The following COL6A6 variants were observed in gnomAD, a reference collection of about 807,000 sequenced individuals.
COL6A6 encodes collagen alpha-6(VI) chain.
In COL6A6, 183 loss-of-function variants were observed where a neutral mutation model predicts 208.6. That is an observed-to-expected ratio of 0.88 (90% confidence interval 0.78 to 0.99). The LOEUF is 0.99. Ranked by LOEUF, COL6A6 falls within the 50% of genes least tolerant of loss-of-function variation. The pLI, the probability that COL6A6 is intolerant of heterozygous loss-of-function variation, is 0.00. For missense variants in COL6A6, 2,816 were observed against 2,815.2 expected, an observed-to-expected ratio of 1.00 and a Z score of -0.01; for synonymous variants, 973 against 1,011.8, an observed-to-expected ratio of 0.96 and a Z score of 0.73.
At chr3:130,564,502 A>G (rs1267370576) in intron 3 of COL6A6, among the ~76,000 whole-genome samples, 1 of 152,240 alleles carries the variant, frequency 6.6e-6, no homozygotes, top group Non-Finnish European at 1.5e-5. Context: ...ACCTATTGAT[A>G]ATAGAGAATG....
rs557703113 is a variant in COL6A6 at position 130,620,678 on chromosome 3, A to T, written c.4816-1143A>T. Among the ~76,000 whole-genome samples, 4 of 152,358 alleles carry T rather than the reference A, an allele frequency of 2.6e-5. No homozygotes were observed. In the South Asian group the frequency reaches 6.2e-4, roughly 24 times the overall value. On this transcript the variant is annotated intron_variant, in intron 23 of 36. Transcript: ENST00000358511. Reference sequence around the variant, plus strand: ...TTAGTAACCAATTTATTGTTCAACAATCCTTCCTATTAGGAAATTTTTTAT... The same window carrying T: ...TTAGTAACCAATTTATTGTTCAACATTCCTTCCTATTAGGAAATTTTTTAT...
chr3:130,546,228 GT>G (rs2062492500), intron 1 of COL6A6, among the ~76,000 whole-genome samples: 1 of 152,246 alleles, frequency 6.6e-6, no homozygotes, highest in Non-Finnish European at 1.5e-5. Flanking sequence ...TGTGTTTGGA[GT>G]TTTTTCCTTC....
At position 130,649,313 on chromosome 3, in the gene COL6A6, T is replaced by G. The variant is rs1179431576; in HGVS notation, c.5484T>G (p.Ile1828Met). 6.2e-7 allele frequency: 1 copy of G among 1,607,650 alleles called. No individual in the cohort carries two copies. Among genetic ancestry groups the G allele is most frequent in the Non-Finnish European group, 8.5e-7 (1 of 1,177,162 alleles). Residue 1828 changes from isoleucine (I) to methionine (M), a missense_variant, in exon 33 of 37, where the codon ATT becomes ATG. Ile to Met is a conservative substitution (Grantham distance 10). Transcript: ENST00000358511. ...AYKKSQLLRE[I>M]ETIPYERSSA... ...AGAAGAGTCAACTTCTCAGAGAAAT[T>G]GAAACTATTCCTTATGAGAGATCCT...
At chr3:130,528,279 G>T (rs1385363562) in intron 1 of COL6A6, among the ~76,000 whole-genome samples, 2 of 152,104 alleles carry the variant, frequency 1.3e-5, no homozygotes, top group East Asian at 3.9e-4. Flanking sequence ...ATGGGCATGG[G>T]GCAGGGCTTT....
intron 23 of COL6A6, among the ~76,000 whole-genome samples, chr3:130,618,762 G>C (rs1319240034): frequency 1.3e-5 from 2 of 152,210 alleles, no homozygotes; most frequent in African/African-American, 4.8e-5. Context: ...GCAAGGTCCT[G>C]TATGTATCCA....
chr3:130,520,111 T>C (rs1455886724), intron 1 of COL6A6, among the ~76,000 whole-genome samples: 1 of 152,232 alleles, frequency 6.6e-6, no homozygotes, highest in African/African-American at 2.4e-5. Flanking sequence ...CTTTAGCATT[T>C]GAGGAGACTT....
At chr3:130,658,511 T>A (rs2065856368) in intron 33 of COL6A6, among the ~76,000 whole-genome samples, 165 bp from the exon 34 acceptor site, 1 of 152,118 alleles carries the variant, frequency 6.6e-6, no homozygotes, top group Non-Finnish European at 1.5e-5. Context: ...GAGTCAAGGT[T>A]TAAACCCAGA....
chr3:130,653,587 C>A (rs1301323013), intron 33 of COL6A6, among the ~76,000 whole-genome samples: 1 of 152,196 alleles, frequency 6.6e-6, no homozygotes, highest in Non-Finnish European at 1.5e-5. Context: ...AATGTAATAG[C>A]TGTGCTTTCA....
chr3:130,608,883 T>A lies in COL6A6; in HGVS notation c.4690-19T>A. On this transcript the variant is annotated intron_variant, in intron 21 of 36. Transcript: ENST00000358511. ...TGTTCAGGAAACAGTGTTAACAGAT[T>A]GATTCTTTCTCGCCACAGGGAACAG... is the stretch of plus-strand genomic sequence containing the variant. The A allele has an allele frequency of 6.2e-7, 1 of 1,607,292 alleles. No homozygotes were observed.
At chr3:130,624,816 C>G (rs17747860) in intron 24 of COL6A6, among the ~76,000 whole-genome samples, 1 of 152,200 alleles carries the variant, frequency 6.6e-6, no homozygotes, top group African/African-American at 2.4e-5. Context: ...CCAGGGTGGA[C>G]TGGGCACTCT....
chr3:130,589,703 T>C (rs2063628477), intron 12 of COL6A6, among the ~76,000 whole-genome samples: 1 of 152,220 alleles, frequency 6.6e-6, no homozygotes, highest in Admixed American at 6.5e-5. Context: ...GCTCATTATT[T>C]AAAAACAGAA....
intron 1 of COL6A6, among the ~76,000 whole-genome samples, chr3:130,522,319 GAGA>G (rs1711121082): frequency 2.0e-5 from 3 of 152,180 alleles, no homozygotes; most frequent in Admixed American, 6.5e-5. Context: ...GACATGGAGG[GAGA>G]TATCAGTGAA....
chr3:130,576,471 A>G (rs1245096126), intron 8 of COL6A6, among the ~76,000 whole-genome samples: 1 of 152,164 alleles, frequency 6.6e-6, no homozygotes, highest in Non-Finnish European at 1.5e-5. Flanking sequence ...AATGTATCTG[A>G]TTACCTCGGC....
chr3:130,529,790 G>A (rs2107696762), intron 1 of COL6A6, among the ~76,000 whole-genome samples: 1 of 152,196 alleles, frequency 6.6e-6, no homozygotes, highest in African/African-American at 2.4e-5. Context: ...TAACCTCCTG[G>A]CCCTGGAAAA....
chr3:130,580,158 C>T (rs1161110563), intron 8 of COL6A6, among the ~76,000 whole-genome samples: 1 of 152,108 alleles, frequency 6.6e-6, no homozygotes, highest in Non-Finnish European at 1.5e-5. Context: ...TGGTTTTCTG[C>T]TCAGGTTTAA....
intron 33 of COL6A6, among the ~76,000 whole-genome samples, chr3:130,650,310 A>G (rs1372266475): frequency 6.6e-6 from 1 of 152,136 alleles, no homozygotes; most frequent in African/African-American, 2.4e-5. Context: ...AGCAGCAAAG[A>G]GGCATTGGAA....
In COL6A6 at chr3:130,661,650, A is replaced by G. The variant is rs1216422998; in HGVS notation, c.5844A>G (p.Pro1948=). The G allele has an allele frequency of 6.2e-7, 1 of 1,612,430 alleles. No individual in the cohort carries two copies. Among genetic ancestry groups the G allele is most frequent in the African/African-American group, 1.3e-5 (1 of 74,882 alleles). ...TTTGGTTCACAGATGTGTGCAAGCC[A>G]GATGCTTCTTGTGACCAAGCCAGAC... ...RCTFCYDVCK[P]DASCDQARPP... The change falls in exon 35 of 37, where the codon CCA becomes CCG. Residue 1948 remains proline, a synonymous_variant. Transcript: ENST00000358511.
At position 130,571,336 on chromosome 3, in the gene COL6A6, G is replaced by C. The variant is rs2063162349; in HGVS notation, c.2920G>C (p.Gly974Arg). ...DKYFFVETFG[G>R]LKGIFSDVTA... The stretch of plus-strand genomic sequence containing the variant: ...GTACTTCTTCGTGGAGACTTTTGGA[G>C]GTCTGAAGGGAATATTTTCAGATGT... The change falls in exon 7 of 37, where the codon GGT becomes CGT. Residue 974 changes from glycine to arginine, a missense_variant. Transcript: ENST00000358511. 4 of 1,608,682 alleles carry C rather than the reference G, an allele frequency of 2.5e-6. No individual in the cohort carries two copies. Among genetic ancestry groups the C allele is most frequent in the Non-Finnish European group, 3.4e-6 (4 of 1,178,360 alleles).
intron 18 of COL6A6, among the ~76,000 whole-genome samples, chr3:130,597,472 G>T (rs760711604): frequency 1.3e-5 from 2 of 152,136 alleles, no homozygotes; most frequent in Non-Finnish European, 2.9e-5. Flanking sequence ...GCTGGTGACC[G>T]CAAATTACTT....
Sources: allele counts gnomAD v4.1 joint callset (sites outside exome capture counted in the v4.1 genomes callset), GRCh38; gene constraint gnomAD v4.1.1; transcripts MANE v1.5; gene names NCBI Gene and HGNC (gene_info 2026-07-23, HGNC 2026-07-21).